The following KCNMB4 variants were observed in gnomAD, a reference collection of about 807,000 sequenced individuals.
KCNMB4 encodes the protein calcium-activated potassium channel subunit beta-4.
A neutral mutation model predicts 20.7 loss-of-function variants in KCNMB4; 3 were observed. The observed-to-expected ratio is 0.14, with a 90% CI of 0.07 to 0.37. KCNMB4 has a LOEUF of 0.37. Among genes scored for constraint, KCNMB4 ranks in the 10% least tolerant of loss-of-function variants. KCNMB4 has a pLI of 1.00. For synonymous variants in KCNMB4, 110 were observed against 113.4 expected (o/e 0.97, Z 0.19); for missense variants, 168 against 265.9 (o/e 0.63, Z 2.56).
chr12:70,420,495 G>T (rs1869022624), intron 2 of KCNMB4, among the ~76,000 whole-genome samples: 1 of 152,142 alleles, frequency 6.6e-6, no homozygotes, highest in African/African-American at 2.4e-5. Context: ...ATGAGCCAAA[G>T]AATGCAGGAA....
At chr12:70,368,702 G>T (rs12582186) in intron 1 of KCNMB4, among the ~76,000 whole-genome samples, 2 of 151,870 alleles carry the variant, frequency 1.3e-5, no homozygotes, top group South Asian at 4.2e-4. Context: ...TTGGTGAAAC[G>T]TTGCTAATTA....
chr12:70,425,422 A>G (rs1869185929), intron 2 of KCNMB4, among the ~76,000 whole-genome samples: 1 of 152,194 alleles, frequency 6.6e-6, no homozygotes, highest in Non-Finnish European at 1.5e-5. Context: ...TGGGCGACAG[A>G]GCAAGACCCC....
chr12:70,392,484 G>A (rs710654), intron 1 of KCNMB4, among the ~76,000 whole-genome samples: 51,208 of 152,006 alleles, frequency 0.34, 10,801 homozygotes, highest in African/African-American at 0.59. Flanking sequence ...GGTATACTGG[G>A]TGTATACCCA....
intron 2 of KCNMB4, among the ~76,000 whole-genome samples, chr12:70,409,349 A>G (rs1868703253): frequency 6.6e-6 from 1 of 152,110 alleles, no homozygotes; most frequent in South Asian, 2.1e-4. Flanking sequence ...TCTGTCATCC[A>G]CACCACGCTA....
chr12:70,409,649 G>A (rs1868714056), intron 2 of KCNMB4, among the ~76,000 whole-genome samples: 1 of 152,198 alleles, frequency 6.6e-6, no homozygotes, highest in African/African-American at 2.4e-5. Flanking sequence ...TGAGGATGCT[G>A]CTATGAGATA....
chr12:70,419,696 A>C (rs1268973742), intron 2 of KCNMB4, among the ~76,000 whole-genome samples: 1 of 152,252 alleles, frequency 6.6e-6, no homozygotes, highest in Non-Finnish European at 1.5e-5. Flanking sequence ...AACTGAGTAA[A>C]GAAGAACCAA....
intron 1 of KCNMB4, among the ~76,000 whole-genome samples, chr12:70,384,820 G>A (rs530595542): frequency 7.2e-6 from 1 of 139,494 alleles, no homozygotes; most frequent in South Asian, 2.2e-4. Context: ...GTTACAGTGA[G>A]CTATGACTAT....
At chr12:70,414,872 C>T (rs1263977376) in intron 2 of KCNMB4, among the ~76,000 whole-genome samples, 2 of 152,166 alleles carry the variant, frequency 1.3e-5, no homozygotes, top group Non-Finnish European at 2.9e-5. Flanking sequence ...GTTCCAGTCT[C>T]ATGATTATTT....
intron 2 of KCNMB4, among the ~76,000 whole-genome samples, chr12:70,411,658 C>T (rs1454098249): frequency 6.6e-6 from 1 of 152,066 alleles, no homozygotes; most frequent in South Asian, 2.1e-4. Context: ...ATGCTACCAT[C>T]TCAAGCTGGG....
At chr12:70,376,962 A>G (rs1883698963) in intron 1 of KCNMB4, among the ~76,000 whole-genome samples, 3 of 152,174 alleles carry the variant, frequency 2.0e-5, no homozygotes, top group Admixed American at 1.3e-4. Context: ...CAAAAGTACA[A>G]GACCTATAAC....
chr12:70,427,974 C>G (rs1156316194), intron 2 of KCNMB4, among the ~76,000 whole-genome samples: 2 of 152,028 alleles, frequency 1.3e-5, no homozygotes, highest in Non-Finnish European at 2.9e-5. Flanking sequence ...TTAAAAAATC[C>G]AAGTCCCTCA....
In KCNMB4 at chr12:70,430,419, G is replaced by T. The variant is rs562939898; in HGVS notation, c.465-66G>T. ...TGGAAAGCAAGTTTGGCTTTAGGTT[G>T]TAAAGAGTTTTTCAGTGCCAAGGCA... On this transcript the variant is annotated intron_variant, in intron 2 of 2. Coordinates refer to ENST00000258111, the MANE Select transcript of KCNMB4 (RefSeq NM_014505.6). 3.9e-6 allele frequency: 6 copies of T among 1,558,412 alleles called. 1 individual carries two copies. Among genetic ancestry groups the T allele is most frequent in the South Asian group, 3.4e-5 (3 of 87,020 alleles).
chr12:70,409,660 T>C (rs912609577), intron 2 of KCNMB4, among the ~76,000 whole-genome samples: 2 of 152,202 alleles, frequency 1.3e-5, no homozygotes, highest in Admixed American at 6.5e-5. Flanking sequence ...CTATGAGATA[T>C]TACGGCATGA....
rs2136111497 is a variant in KCNMB4 at position 70,366,648 on chromosome 12, C to G, written c.-87C>G. Reference sequence around the variant, plus strand: ...CGCGCGGCGGCGGCGGTGGCGGCGGCGGCTCCTCCCGCCCGAGGCAGTCGG... The same window carrying G: ...CGCGCGGCGGCGGCGGTGGCGGCGGGGGCTCCTCCCGCCCGAGGCAGTCGG... On this transcript the variant is annotated 5_prime_UTR_variant, in exon 1 of 3. Coordinates refer to ENST00000258111, the MANE Select transcript of KCNMB4 (RefSeq NM_014505.6). 1 of 985,924 alleles carries G rather than the reference C, an allele frequency of 1.0e-6. No individual in the cohort carries two copies. Among genetic ancestry groups the G allele is most frequent in the Non-Finnish European group, 1.3e-6 (1 of 786,962 alleles). 61.1% of individuals were successfully genotyped at this position (985,924 alleles called of 1,614,324 possible).
chr12:70,416,794 G>A (rs1868924517), intron 2 of KCNMB4, among the ~76,000 whole-genome samples: 1 of 152,158 alleles, frequency 6.6e-6, no homozygotes, highest in South Asian at 2.1e-4. Context: ...TAGGATGAAT[G>A]ATTCATTGCT....
chr12:70,422,817 C>T lies in KCNMB4; in HGVS notation c.465-7668C>T, dbSNP rs185219297. The T allele has an allele frequency of 8.8e-5, 110 of 1,249,506 alleles. No individual in the cohort carries two copies. The African/African-American group carries it at 1.4e-3, about 16-fold the overall frequency. The allele number at this position is 1,249,506 out of a possible 1,614,324, so 77.4% of individuals were successfully genotyped here. A position where few individuals can be genotyped will look rare whatever the true frequency, so the allele number is the denominator to read the frequency against. On this transcript the variant is annotated intron_variant, in intron 2 of 2. Coordinates refer to ENST00000258111, the MANE Select transcript of KCNMB4 (RefSeq NM_014505.6). ...GTTTTAAGAATCACATTGGGAAAAC[C>T]GACAGATGGATAAAAAATAATTACC...
intron 1 of KCNMB4, among the ~76,000 whole-genome samples, chr12:70,371,667 T>C (rs1030791368): frequency 2.6e-5 from 4 of 152,158 alleles, no homozygotes; most frequent in Non-Finnish European, 2.9e-5. Flanking sequence ...AATCAGGAAA[T>C]CCTTTTTCAG....
Position 70,432,635 on chromosome 12 carries a change from C to T in KCNMB4, c.*1982C>T, listed in dbSNP as rs1312752928. 6.6e-6 allele frequency: 1 copy of T among 152,204 alleles called. No homozygotes were observed. Among genetic ancestry groups the T allele is most frequent in the Non-Finnish European group, 1.5e-5 (1 of 68,046 alleles). 9.4% of individuals were successfully genotyped at this position (152,204 alleles called of 1,614,324 possible). ...TTCACTGTGAAAAAGGCCTTGAACA[C>T]ACTATTTATGACATCTTTTGAGGCA... On this transcript the variant is annotated 3_prime_UTR_variant, in exon 3 of 3. Coordinates refer to ENST00000258111, the MANE Select transcript of KCNMB4 (RefSeq NM_014505.6).
chr12:70,407,972 G>A (rs572228799), intron 2 of KCNMB4, among the ~76,000 whole-genome samples: 2 of 152,302 alleles, frequency 1.3e-5, no homozygotes, highest in Admixed American at 6.5e-5. Context: ...CCGGGGCAGA[G>A]ACCAAATACA....
Sources: allele counts gnomAD v4.1 joint callset (sites outside exome capture counted in the v4.1 genomes callset), GRCh38; gene constraint gnomAD v4.1.1; transcripts MANE v1.5; gene names NCBI Gene and HGNC (gene_info 2026-07-23, HGNC 2026-07-21).